The following ACVR1C variants were observed in gnomAD, a reference collection of about 807,000 sequenced individuals.
ACVR1C encodes activin A receptor type 1C, also known as activin receptor type-1C.
ACVR1C carries 23 observed loss-of-function variants against 57.9 expected under a neutral mutation model. The observed-to-expected ratio is 0.40, with a 90% CI of 0.29 to 0.56. The LOEUF is 0.56. Ranked by LOEUF, ACVR1C falls within the 20% of genes least tolerant of loss-of-function variation. The pLI is 0.50. For synonymous variants in ACVR1C, 214 were observed against 215.3 expected, an observed-to-expected ratio of 0.99 and a Z score of 0.05; for missense variants, 480 against 607.9, an observed-to-expected ratio of 0.79 and a Z score of 2.21.
chr2:157,542,192 T>C (rs1687641230), intron 6 of ACVR1C, among the ~76,000 whole-genome samples: 1 of 152,138 alleles, frequency 6.6e-6, no homozygotes, highest in African/African-American at 2.4e-5. Flanking sequence ...AGGTAATACA[T>C]AAATTGTTAT....
At chr2:157,620,334 C>G (rs911512699) in intron 1 of ACVR1C, among the ~76,000 whole-genome samples, 3 of 152,024 alleles carry the variant, frequency 2.0e-5, no homozygotes, top group Middle Eastern at 3.4e-3. Context: ...CCATGACTAT[C>G]AGAGCAAGCA....
chr2:157,564,779 G>C (rs1378754294), intron 2 of ACVR1C, among the ~76,000 whole-genome samples: 1 of 152,200 alleles, frequency 6.6e-6, no homozygotes, highest in African/African-American at 2.4e-5. Context: ...GCAGCCATAA[G>C]AAGGAATGAG....
chr2:157,561,141 G>C (rs1455599983), intron 2 of ACVR1C, among the ~76,000 whole-genome samples: 6 of 152,170 alleles, frequency 3.9e-5, no homozygotes, highest in Non-Finnish European at 7.3e-5. Context: ...CAAGGTTAGT[G>C]CTTCCATCCC....
Position 157,530,153 on chromosome 2 carries a change from T to A in ACVR1C, c.*3765A>T, listed in dbSNP as rs1029662992. The A allele has an allele frequency of 1.3e-5, 2 of 152,280 alleles. No individual in the cohort carries two copies. Among genetic ancestry groups the A allele is most frequent in the African/African-American group, 4.8e-5 (2 of 41,574 alleles). 9.4% of individuals were successfully genotyped at this position (152,280 alleles called of 1,614,324 possible). On this transcript the variant is annotated 3_prime_UTR_variant, in exon 9 of 9. Coordinates refer to ENST00000243349, the MANE Select transcript of ACVR1C (RefSeq NM_145259.3). ...TTGTAATGATGTGTTTGTGAATTTA[T>A]TTTAAAGGAATGATTATTGAAGACA...
intron 6 of ACVR1C, 128 bp from the exon 7 acceptor site, chr2:157,541,342 T>G: frequency 1.1e-6 from 1 of 907,416 alleles, no homozygotes; most frequent in East Asian, 2.8e-5. Flanking sequence ...TAGAATAAAA[T>G]TAAAGAATAA....
At chr2:157,603,117 T>C (rs1447795046) in intron 1 of ACVR1C, among the ~76,000 whole-genome samples, 1 of 152,126 alleles carries the variant, frequency 6.6e-6, no homozygotes, top group Non-Finnish European at 1.5e-5. Context: ...AAATTGGAAT[T>C]TGTGGTCTGA....
At chr2:157,562,230 G>A (rs1371711065) in intron 2 of ACVR1C, among the ~76,000 whole-genome samples, 1 of 150,980 alleles carries the variant, frequency 6.6e-6, no homozygotes, top group Middle Eastern at 3.2e-3. Flanking sequence ...AGTAGGTAGA[G>A]GTGGCAGTGA....
intron 2 of ACVR1C, 118 bp downstream of exon 2, chr2:157,587,069 G>A: frequency 2.1e-6 from 2 of 964,662 alleles, no homozygotes; most frequent in Non-Finnish European, 1.5e-6. Flanking sequence ...AAATCAAAAA[G>A]AGAACTGTAA....
chr2:157,558,458 A>G (rs990682753), intron 2 of ACVR1C, among the ~76,000 whole-genome samples: 9 of 152,248 alleles, frequency 5.9e-5, no homozygotes, highest in Admixed American at 2.0e-4. Context: ...TCTGAAGGAA[A>G]AAGAATCAAA....
chr2:157,545,421 C>G (rs913370079), intron 4 of ACVR1C, among the ~76,000 whole-genome samples: 2 of 152,134 alleles, frequency 1.3e-5, no homozygotes, highest in Non-Finnish European at 2.9e-5. Context: ...ATTTCCAAAT[C>G]TGGGTAGTGA....
intron 1 of ACVR1C, among the ~76,000 whole-genome samples, chr2:157,611,959 T>C (rs1312350355): frequency 2.6e-5 from 4 of 152,238 alleles, no homozygotes; most frequent in African/African-American, 7.2e-5. Context: ...GGACTCATTC[T>C]AGAGCAGAGC....
At chr2:157,624,890 A>C in intron 1 of ACVR1C, among the ~76,000 whole-genome samples, 1 of 152,230 alleles carries the variant, frequency 6.6e-6, no homozygotes, top group East Asian at 1.9e-4. Flanking sequence ...AACAGCAATT[A>C]ATTTTTAATA....
rs1464654105 is a variant in ACVR1C, at chr2:157,567,956, C to T, written c.305-11624G>A. ...GAAATGAAGGAAAAAATGTTAAGGG[C>T]AGCCAGAGAGAAAGGTCGGGTTACC... On this transcript the variant is annotated intron_variant, in intron 2 of 8. Transcript: ENST00000243349. Among the ~76,000 whole-genome samples, 3 of 96,674 alleles carry T rather than the reference C, an allele frequency of 3.1e-5. No homozygotes were observed. The East Asian group carries it at 1.5e-3, about 47-fold the overall frequency. 63.4% of individuals were successfully genotyped at this position (96,674 alleles called of 152,430 possible). A position where few individuals can be genotyped will look rare whatever the true frequency, so the allele number is the denominator to read the frequency against.
At chr2:157,621,416 A>T (rs1682767858) in intron 1 of ACVR1C, among the ~76,000 whole-genome samples, 1 of 151,974 alleles carries the variant, frequency 6.6e-6, no homozygotes, top group African/African-American at 2.4e-5. Context: ...TCATACTCCC[A>T]CCCACCTCCT....
chr2:157,608,944 A>G (rs139408565), intron 1 of ACVR1C, among the ~76,000 whole-genome samples: 183 of 151,544 alleles, frequency 1.2e-3, no homozygotes, highest in African/African-American at 4.3e-3. Flanking sequence ...GATTCTTTGA[A>G]TTTCTTCCTT....
chr2:157,557,490 T>C (rs1175476455), intron 2 of ACVR1C, among the ~76,000 whole-genome samples: 1 of 152,110 alleles, frequency 6.6e-6, no homozygotes. Flanking sequence ...CTAGCTCTGA[T>C]CACCACCTGA....
chr2:157,566,880 T>G (rs1372961167), intron 2 of ACVR1C, among the ~76,000 whole-genome samples: 1 of 151,930 alleles, frequency 6.6e-6, no homozygotes, highest in Admixed American at 6.6e-5. Context: ...CAAGGAGGCC[T>G]GCCTGCCTCT....
chr2:157,620,941 T>G (rs1308925804), intron 1 of ACVR1C, among the ~76,000 whole-genome samples: 2 of 152,168 alleles, frequency 1.3e-5, no homozygotes. Context: ...TTATTAACCA[T>G]GAGATAACAA....
In ACVR1C at chr2:157,529,378, A is replaced by G. The variant is rs1279958363; in HGVS notation, c.*4540T>C. 2 of 152,138 alleles carry G rather than the reference A, an allele frequency of 1.3e-5. No homozygotes were observed. The allele number at this position is 152,138 out of a possible 1,614,324, so 9.4% of individuals were successfully genotyped here. On this transcript the variant is annotated 3_prime_UTR_variant, in exon 9 of 9. Transcript: ENST00000243349. ...CTCATTGACCTCACTCTGAGTGAGT[A>G]AATTATTTTAGTAGAAACCCAAAGA...
Sources: gnomAD v4.1 joint callset for allele counts (sites outside exome capture counted in the v4.1 genomes callset) on GRCh38, gnomAD v4.1.1 for gene constraint, MANE v1.5 for transcripts, NCBI Gene and HGNC (gene_info 2026-07-23, HGNC 2026-07-21) for gene names.